Variants in OTC observed in about 807,000 individuals in gnomAD.
OTC encodes the protein ornithine transcarbamylase, mitochondrial.
A neutral mutation model predicts 30.3 loss-of-function variants in OTC; 3 were observed. The observed-to-expected ratio is 0.10, with a 90% CI of 0.05 to 0.26. OTC has a LOEUF of 0.26. Ranked by LOEUF, OTC falls within the 10% of genes least tolerant of loss-of-function variation. The pLI is 1.00. For missense variants in OTC, 194 were observed against 260.3 expected, an observed-to-expected ratio of 0.75 and a Z score of 1.75; for synonymous variants, 111 against 99.7, an observed-to-expected ratio of 1.11 and a Z score of -0.67.
intron 1 of OTC, among the ~76,000 whole-genome samples, chrX:38,353,155 G>GA (rs2068226526): frequency 8.9e-6 from 1 of 111,986 alleles, no homozygotes. Flanking sequence ...CAGTTCTTTT[G>GA]AAAAAACAGA....
At chrX:38,360,081 C>T (rs988535302) in intron 1 of OTC, among the ~76,000 whole-genome samples, 2 of 107,891 alleles carry the variant, frequency 1.9e-5, no homozygotes, top group Non-Finnish European at 1.9e-5. Flanking sequence ...CCACCACGCC[C>T]GGCTAATTTT....
At chrX:38,344,256 C>A in the OTC span, among the ~76,000 whole-genome samples, 1 of 110,338 alleles carries the variant, frequency 9.1e-6, no homozygotes, top group African/African-American at 3.3e-5. Context: ...CACACACACA[C>A]ACACACACAC....
intron 8 of OTC, 24 bp downstream of exon 8, chrX:38,409,049 G>C: frequency 8.3e-7 from 1 of 1,201,509 alleles, no homozygotes; most frequent in Non-Finnish European, 1.1e-6. Flanking sequence ...CCTCTCTGAA[G>C]GTTCATTAAT....
chrX:38,394,275 A>G (rs1221442222), intron 4 of OTC, among the ~76,000 whole-genome samples: 1 of 112,602 alleles, frequency 8.9e-6, no homozygotes, highest in Non-Finnish European at 1.9e-5. Context: ...AACTAAATAT[A>G]TTGTGAACAT....
intron 6 of OTC, among the ~76,000 whole-genome samples, chrX:38,405,437 C>G (rs2068511086): frequency 9.0e-6 from 1 of 111,173 alleles, no homozygotes; most frequent in Non-Finnish European, 1.9e-5. Context: ...TTCCCATTTT[C>G]CCTCTGTGTC....
intron 3 of OTC, among the ~76,000 whole-genome samples, chrX:38,378,074 G>T (rs1329774857): frequency 9.3e-6 from 1 of 107,211 alleles, no homozygotes; most frequent in Non-Finnish European, 1.9e-5. Context: ...GACCTCAGGT[G>T]ATCCGCCCAC....
At chrX:38,418,112 C>A (rs781744644) in intron 9 of OTC, among the ~76,000 whole-genome samples, 2 of 111,493 alleles carry the variant, frequency 1.8e-5, no homozygotes, top group Non-Finnish European at 3.8e-5. Flanking sequence ...CAACAATGCA[C>A]AGGAGATCCC....
intron 4 of OTC, among the ~76,000 whole-genome samples, chrX:38,392,995 A>G (rs1353320237): frequency 8.9e-6 from 1 of 112,417 alleles, no homozygotes; most frequent in Non-Finnish European, 1.9e-5. Context: ...AACGGCGTAA[A>G]TAGCCCTTGG....
intron 4 of OTC, among the ~76,000 whole-genome samples, chrX:38,393,515 G>T (rs909056175): frequency 8.9e-6 from 1 of 111,748 alleles, no homozygotes; most frequent in Non-Finnish European, 1.9e-5. Flanking sequence ...CTTTCTCAGG[G>T]TTTATGTAAT....
intron 9 of OTC, among the ~76,000 whole-genome samples, chrX:38,417,541 C>T (rs1046966972): frequency 6.7e-4 from 75 of 111,568 alleles, no homozygotes; most frequent in African/African-American, 2.1e-3. Context: ...CTCAGTTTCT[C>T]GATCTGTATT....
At chrX:38,408,289 G>A (rs945874982) in intron 6 of OTC, among the ~76,000 whole-genome samples, 1 of 111,833 alleles carries the variant, frequency 8.9e-6, no homozygotes, top group Non-Finnish European at 1.9e-5. Flanking sequence ...GTCAGGGAAG[G>A]TTTTTCTGAG....
chrX:38,394,022 G>A lies in OTC; in HGVS notation c.387-7253G>A, dbSNP rs146536213. 3.0e-4 allele frequency among the ~76,000 whole-genome samples: 33 copies of A among 111,528 alleles called. No homozygotes were observed. In the East Asian group the frequency reaches 8.2e-3, roughly 28 times the overall value. On this transcript the variant is annotated intron_variant, in intron 4 of 9. Coordinates refer to ENST00000039007, the MANE Select transcript of OTC (RefSeq NM_000531.6). ...CTAGTGTTATATTGGGCCCACCCAGGGTAATCTCCCCATCTCAAGATCACT... is the reference window on the plus strand; with the variant it reads ...CTAGTGTTATATTGGGCCCACCCAGAGTAATCTCCCCATCTCAAGATCACT...
At chrX:38,340,205 A>G in the OTC span, among the ~76,000 whole-genome samples, 8 of 111,378 alleles carry the variant, frequency 7.2e-5, no homozygotes, top group African/African-American at 9.8e-5. Flanking sequence ...AGACCCTCCA[A>G]TGAAAACCCC....
chrX:38,357,882 G>A (rs758306951), intron 1 of OTC, among the ~76,000 whole-genome samples: 3 of 111,822 alleles, frequency 2.7e-5, no homozygotes, highest in East Asian at 5.6e-4. Flanking sequence ...TTTTTCAAGG[G>A]CTCTGGCTCT....
rs749336683 is a variant in OTC at position 38,411,736 on chromosome X, G to A, written c.868-126G>A. On this transcript the variant is annotated intron_variant, in intron 8 of 9. Transcript: ENST00000039007. ...TGTCTTGAGATAAAACCATCACTCT[G>A]CTCCTTTGTCTCTCCCTTTGCATTG... 593 of 628,768 alleles carry A rather than the reference G, an allele frequency of 9.4e-4. 6 individuals are homozygous for A. The African/African-American group carries it at 0.012, about 13-fold the overall frequency. The allele number at this position is 628,768 out of a possible 1,213,427, so 51.8% of individuals were successfully genotyped here.
intron 4 of OTC, among the ~76,000 whole-genome samples, chrX:38,382,405 C>T (rs982034627): frequency 3.8e-4 from 43 of 112,377 alleles, no homozygotes; most frequent in African/African-American, 9.7e-4. Context: ...GAAAATGATA[C>T]GCCATGAAGT....
intron 9 of OTC, among the ~76,000 whole-genome samples, chrX:38,419,702 C>T (rs755383466): frequency 9.0e-6 from 1 of 111,040 alleles, no homozygotes; most frequent in Non-Finnish European, 1.9e-5. Context: ...TACTGAATTC[C>T]CTTACCAGTT....
intron 3 of OTC, among the ~76,000 whole-genome samples, chrX:38,370,324 C>T (rs2068317412): frequency 1.8e-5 from 2 of 112,065 alleles, no homozygotes; most frequent in South Asian, 7.4e-4. Flanking sequence ...TGGGTCTCCT[C>T]TCCATTTCCC....
intron 9 of OTC, among the ~76,000 whole-genome samples, chrX:38,420,088 C>T (rs1435490730): frequency 9.0e-6 from 1 of 111,084 alleles, no homozygotes; most frequent in African/African-American, 3.3e-5. Flanking sequence ...ACATTGTATA[C>T]ATATATCAAA....
Sources: allele counts gnomAD v4.1 joint callset (sites outside exome capture counted in the v4.1 genomes callset), GRCh38; gene constraint gnomAD v4.1.1; transcripts MANE v1.5; gene names NCBI Gene and HGNC (gene_info 2026-07-23, HGNC 2026-07-21).